NPAS2: variants seen among roughly 807,000 people sequenced by gnomAD.
NPAS2 encodes neuronal PAS domain-containing protein 2.
A neutral mutation model predicts 107.5 loss-of-function variants in NPAS2; 23 were observed. The observed-to-expected ratio is 0.21, with a 90% CI of 0.15 to 0.30. The LOEUF is 0.30. Among genes scored for constraint, NPAS2 ranks in the 10% least tolerant of loss-of-function variants. NPAS2 has a pLI of 1.00. For synonymous variants in NPAS2, 403 were observed against 417.5 expected, an observed-to-expected ratio of 0.97 and a Z score of 0.42; for missense variants, 756 against 1,043.3, an observed-to-expected ratio of 0.72 and a Z score of 3.79.
At position 100,968,694 on chromosome 2, in the gene NPAS2, G is replaced by A. The variant is rs143958396; in HGVS notation, c.1055+266G>A. ...CCCTTTGAACGCCTCATGGACTCTC[G>A]CAGGCTGCCAGGATATTACTTAGTA... is the stretch of plus-strand genomic sequence containing the variant. On this transcript the variant is annotated intron_variant, in intron 11 of 20. Transcript: ENST00000335681. This position sits in a 1 kb window ranked among gnomAD's most constrained non-coding sequence, Gnocchi z 5.3. Among the ~76,000 whole-genome samples the A allele has an allele frequency of 1.2e-3, 185 of 152,198 alleles. No homozygotes were observed. Among genetic ancestry groups the A allele is most frequent in the African/African-American group, 4.2e-3 (176 of 41,512 alleles).
At chr2:100,981,425 A>G (rs1677430909) in intron 15 of NPAS2, among the ~76,000 whole-genome samples, 1 of 152,194 alleles carries the variant, frequency 6.6e-6, no homozygotes, top group African/African-American at 2.4e-5. Flanking sequence ...TCCCTCCCAA[A>G]CAGTGTTTCC....
rs1683102071 is a variant in NPAS2 at position 100,919,647 on chromosome 2, C to T, written c.33-5499C>T. On this transcript the variant is annotated intron_variant, in intron 2 of 20. Coordinates refer to ENST00000335681, the MANE Select transcript of NPAS2 (RefSeq NM_002518.4). ...TTCCCTGTCCCCACTCATCCAAAAG[C>T]TCAGACCAGGTTGCTTGGCCTACCA... Among the ~76,000 whole-genome samples, 3 of 152,208 alleles carry T rather than the reference C, an allele frequency of 2.0e-5. No homozygotes were observed. In the South Asian group the frequency reaches 6.2e-4, roughly 31 times the overall value.
intron 17 of NPAS2, chr2:100,988,599 G>A (rs1258716140): frequency 8.2e-6 from 3 of 364,230 alleles, no homozygotes; most frequent in Non-Finnish European, 1.5e-5. Context: ...CCATCCCAGA[G>A]ACCCACTGGC....
chr2:100,820,976 C>T lies in NPAS2; in HGVS notation c.-23+562C>T, dbSNP rs974086129. ...TGCGCAGACAGCGTGCAGCCTGGCT[C>T]CTCACGTCGCTGCCGCCCCCCCACC... On this transcript the variant is annotated intron_variant, in intron 1 of 20. Coordinates refer to ENST00000335681, the MANE Select transcript of NPAS2 (RefSeq NM_002518.4). The surrounding 1 kb of genome is among the most constrained non-coding windows in gnomAD (Gnocchi z 5.6). The T allele has an allele frequency of 3.3e-6, 4 of 1,220,316 alleles. No homozygotes were observed. The highest frequency in any genetic ancestry group is 1.4e-5 in the South Asian group (1 of 73,346). 75.6% of individuals were successfully genotyped at this position (1,220,316 alleles called of 1,614,324 possible).
chr2:100,951,018 G>A (rs181377758), intron 7 of NPAS2, among the ~76,000 whole-genome samples: 5 of 152,292 alleles, frequency 3.3e-5, no homozygotes, highest in African/African-American at 1.2e-4. Context: ...TGGTTCTTTG[G>A]GTGAGGCAAC....
intron 1 of NPAS2, among the ~76,000 whole-genome samples, chr2:100,896,964 G>T (rs1681450386): frequency 6.6e-6 from 1 of 152,304 alleles, no homozygotes; most frequent in East Asian, 1.9e-4. Flanking sequence ...AAGAAAAGAG[G>T]TTTAATTGAT....
chr2:100,943,386 G>GT (rs1233347464), intron 5 of NPAS2, among the ~76,000 whole-genome samples: 2 of 152,198 alleles, frequency 1.3e-5, no homozygotes, highest in Non-Finnish European at 2.9e-5. Flanking sequence ...CTTTGATTGG[G>GT]TTTTTTCTTG....
intron 1 of NPAS2, among the ~76,000 whole-genome samples, chr2:100,894,142 G>A (rs1476092371): frequency 1.3e-5 from 2 of 152,228 alleles, no homozygotes; most frequent in Non-Finnish European, 2.9e-5. Flanking sequence ...TGTGTAGTAG[G>A]TGGCTGTGAG....
chr2:100,852,399 AAAAAAT>A lies in NPAS2; in HGVS notation c.-23+32003_-23+32008del, dbSNP rs940305638. Among the ~76,000 whole-genome samples the A allele has an allele frequency of 1.2e-4, 18 of 152,294 alleles. No homozygotes were observed. The East Asian group carries it at 1.3e-3, about 11-fold the overall frequency. On this transcript the variant is annotated intron_variant, in intron 1 of 20. Coordinates refer to ENST00000335681, the MANE Select transcript of NPAS2 (RefSeq NM_002518.4). Reference sequence around the variant, plus strand: ...GTGACAGAGCGAGACTCCATCTCAAAAAAAATAAAAATAAAAATAAAAAAAGTTTTG... The same window carrying A: ...GTGACAGAGCGAGACTCCATCTCAAAAAAAATAAAAATAAAAAAAGTTTTG...
intron 3 of NPAS2, among the ~76,000 whole-genome samples, chr2:100,931,946 T>A (rs1243679788): frequency 6.6e-6 from 1 of 152,212 alleles, no homozygotes; most frequent in African/African-American, 2.4e-5. Flanking sequence ...TGGCTTAAAG[T>A]TGATGGATTA....
chr2:100,847,559 A>G (rs1677856948), intron 1 of NPAS2, among the ~76,000 whole-genome samples: 1 of 152,086 alleles, frequency 6.6e-6, no homozygotes, highest in Non-Finnish European at 1.5e-5. Context: ...TTTAGTAGAG[A>G]CGGGGTTTCA....
chr2:100,879,982 TG>T (rs1680230208), intron 1 of NPAS2, among the ~76,000 whole-genome samples: 1 of 152,112 alleles, frequency 6.6e-6, no homozygotes, highest in Non-Finnish European at 1.5e-5. Context: ...AGTCAAGAAG[TG>T]GGGAGCAACT....
chr2:100,917,148 A>T (rs12993406), intron 2 of NPAS2, among the ~76,000 whole-genome samples: 2 of 152,224 alleles, frequency 1.3e-5, no homozygotes, highest in East Asian at 3.8e-4. Flanking sequence ...AGCAAGAAAG[A>T]TGGAAATTAG....
rs766217164 is a variant in NPAS2, at chr2:100,904,801, T to C, written c.32+15T>C. Reference sequence around the variant, plus strand: ...AGAGCCAAGAGGTAAGATGCAGCTGTCCCCCTGCTCAGCAGAGCTCTCTGG... The same window carrying C: ...AGAGCCAAGAGGTAAGATGCAGCTGCCCCCCTGCTCAGCAGAGCTCTCTGG... On this transcript the variant is annotated intron_variant, in intron 2 of 20. Coordinates refer to ENST00000335681, the MANE Select transcript of NPAS2 (RefSeq NM_002518.4). 3.1e-6 allele frequency: 5 copies of C among 1,589,910 alleles called. No homozygotes were observed. The highest frequency in any genetic ancestry group is 4.3e-6 in the Non-Finnish European group (5 of 1,162,300).
Position 100,976,192 on chromosome 2 carries a change from G to T in NPAS2, c.1392+625G>T, listed in dbSNP as rs1463929441. On this transcript the variant is annotated intron_variant, in intron 14 of 20. Coordinates refer to ENST00000335681, the MANE Select transcript of NPAS2 (RefSeq NM_002518.4). The surrounding 1 kb of genome is among the most constrained non-coding windows in gnomAD (Gnocchi z 4.1). ...CACTTCTCTGCTCCTTGGTGTCGGGGATCTCGTGGGCCTAGGCTATGGAAT... is the reference window on the plus strand; with the variant it reads ...CACTTCTCTGCTCCTTGGTGTCGGGTATCTCGTGGGCCTAGGCTATGGAAT... 6.6e-6 allele frequency among the ~76,000 whole-genome samples: 1 copy of T among 151,932 alleles called. No individual in the cohort carries two copies. Among genetic ancestry groups the T allele is most frequent in the Non-Finnish European group, 1.5e-5 (1 of 67,988 alleles).
At chr2:100,879,248 G>A (rs925633031) in intron 1 of NPAS2, among the ~76,000 whole-genome samples, 12 of 152,048 alleles carry the variant, frequency 7.9e-5, no homozygotes, top group Admixed American at 1.3e-4. Flanking sequence ...ATTGTATTTA[G>A]GGTTTACAAC....
At chr2:100,889,997 T>C (rs1377685671) in intron 1 of NPAS2, among the ~76,000 whole-genome samples, 1 of 152,004 alleles carries the variant, frequency 6.6e-6, no homozygotes, top group Non-Finnish European at 1.5e-5. Flanking sequence ...ACTAGAAGGA[T>C]TGAGGTTTTC....
rs192050694 is a variant in NPAS2 at position 100,865,421 on chromosome 2, T to A, written c.-22-39312T>A. Among the ~76,000 whole-genome samples, 3 of 152,224 alleles carry A rather than the reference T, an allele frequency of 2.0e-5. No homozygotes were observed. In the East Asian group the frequency reaches 5.8e-4, roughly 30 times the overall value. On this transcript the variant is annotated intron_variant, in intron 1 of 20. Transcript: ENST00000335681. Reference sequence around the variant, plus strand: ...TGGAGCTGAGGCCCCACTTACCTGCTATGTGTTCTTAGACTACTGCTGCCT... The same window carrying A: ...TGGAGCTGAGGCCCCACTTACCTGCAATGTGTTCTTAGACTACTGCTGCCT...
chr2:100,944,632 A>G (rs1287428151), intron 5 of NPAS2, among the ~76,000 whole-genome samples: 1 of 152,154 alleles, frequency 6.6e-6, no homozygotes, highest in Non-Finnish European at 1.5e-5. Flanking sequence ...TCAAGTTATC[A>G]TTGTTTGTGT....
Sources: gnomAD v4.1 joint callset for allele counts (sites outside exome capture counted in the v4.1 genomes callset) on GRCh38, gnomAD v4.1.1 for gene constraint, Gnocchi (gnomAD v3.1) non-coding constraint, MANE v1.5 for transcripts, NCBI Gene and HGNC (gene_info 2026-07-23, HGNC 2026-07-21) for gene names.